SNCAIP: variants seen among roughly 807,000 people sequenced by gnomAD.
SNCAIP encodes synuclein alpha interacting protein.
A neutral mutation model predicts 86.7 loss-of-function variants in SNCAIP; 43 were observed. That is an observed-to-expected ratio of 0.50 (90% CI 0.39 to 0.64). The LOEUF (loss-of-function observed/expected upper bound fraction) is 0.64. Ranked by LOEUF, SNCAIP falls within the 30% of genes least tolerant of loss-of-function variation. The pLI is 0.00. For synonymous variants in SNCAIP, 417 were observed against 427.2 expected (o/e 0.98, Z 0.29); for missense variants, 981 against 1,103.1 (o/e 0.89, Z 1.57).
chr5:122,432,797 G>T (rs1778670070), intron 6 of SNCAIP, among the ~76,000 whole-genome samples: 1 of 152,076 alleles, frequency 6.6e-6, no homozygotes, highest in Non-Finnish European at 1.5e-5. Flanking sequence ...TGGAGAATGT[G>T]ACTGTGAGTT....
At chr5:122,454,953 G>A (rs1161554114) in intron 10 of SNCAIP, among the ~76,000 whole-genome samples, 3 of 152,156 alleles carry the variant, frequency 2.0e-5, no homozygotes, top group Non-Finnish European at 4.4e-5. Flanking sequence ...CTGATGCTAG[G>A]TTAACACTTT....
At chr5:122,427,399 G>A (rs1402506202) in intron 5 of SNCAIP, among the ~76,000 whole-genome samples, 2 of 148,406 alleles carry the variant, frequency 1.3e-5, no homozygotes, top group Non-Finnish European at 3.0e-5. Context: ...TCATTTTAAT[G>A]AAAAAGATTT....
intron 7 of SNCAIP, among the ~76,000 whole-genome samples, chr5:122,442,556 T>A (rs571735733): frequency 1.3e-5 from 2 of 152,306 alleles, no homozygotes; most frequent in South Asian, 4.1e-4. Context: ...AAATTTAAAT[T>A]CTTAACAGGT....
At chr5:122,402,101 A>C (rs2152869541) in intron 2 of SNCAIP, among the ~76,000 whole-genome samples, 1 of 152,256 alleles carries the variant, frequency 6.6e-6, no homozygotes, top group East Asian at 1.9e-4. Context: ...GAAAAAAAAA[A>C]AGAGTGAGAC....
At chr5:122,414,266 T>G (rs1232005670) in intron 3 of SNCAIP, among the ~76,000 whole-genome samples, 2 of 151,592 alleles carry the variant, frequency 1.3e-5, no homozygotes, top group Non-Finnish European at 2.9e-5. Context: ...AGTCTTGCTC[T>G]GTTGCCCAGG....
At chr5:122,332,457 T>A (rs1041427923) in intron 1 of SNCAIP, among the ~76,000 whole-genome samples, 1 of 152,240 alleles carries the variant, frequency 6.6e-6, no homozygotes, top group African/African-American at 2.4e-5. Flanking sequence ...CTGCCAAATC[T>A]GTAATGTTTG....
intron 10 of SNCAIP, among the ~76,000 whole-genome samples, chr5:122,457,281 G>A (rs1433385952): frequency 6.6e-6 from 1 of 152,184 alleles, no homozygotes; most frequent in East Asian, 1.9e-4. Flanking sequence ...GGGATTACAA[G>A]TGTGAGCCAC....
intron 1 of SNCAIP, among the ~76,000 whole-genome samples, chr5:122,369,027 C>T (rs1294767200): frequency 1.3e-5 from 2 of 152,250 alleles, no homozygotes; most frequent in East Asian, 1.9e-4. Context: ...AGTGAAGGAT[C>T]GTCTTTGGTC....
chr5:122,463,852 T>C lies in SNCAIP; in HGVS notation c.*356T>C, dbSNP rs1787059268. 3.9e-6 allele frequency: 1 copy of C among 256,806 alleles called. No homozygotes were observed. The highest frequency in any genetic ancestry group is 7.4e-6 in the Non-Finnish European group (1 of 135,104). The allele number at this position is 256,806 out of a possible 1,614,324, so 15.9% of individuals were successfully genotyped here. A position where few individuals can be genotyped will look rare whatever the true frequency, so the allele number is the denominator to read the frequency against. On this transcript the variant is annotated 3_prime_UTR_variant, in exon 11 of 11. Transcript: ENST00000261368. ...TTGATTCACCCTACCCACAGGACAT[T>C]CACCAAGCCACTGATACCATTTTAT... is the stretch of plus-strand genomic sequence containing the variant.
chr5:122,411,136 G>A (rs1010281083), intron 3 of SNCAIP, among the ~76,000 whole-genome samples: 1 of 152,192 alleles, frequency 6.6e-6, no homozygotes, highest in Non-Finnish European at 1.5e-5. Context: ...GAAACCGCCT[G>A]TTGGTAGAAA....
chr5:122,383,166 C>G (rs1767298974), intron 1 of SNCAIP, among the ~76,000 whole-genome samples: 2 of 152,156 alleles, frequency 1.3e-5, no homozygotes, highest in African/African-American at 4.8e-5. Context: ...AGTTTGATCT[C>G]AGACTGCTGT....
chr5:122,385,359 T>C (rs968423192), intron 1 of SNCAIP, among the ~76,000 whole-genome samples: 1 of 152,234 alleles, frequency 6.6e-6, no homozygotes, highest in Non-Finnish European at 1.5e-5. Context: ...TTCAGTTGCC[T>C]CTTTCTAGTA....
At chr5:122,324,714 G>GT (rs1461581989) in intron 1 of SNCAIP, among the ~76,000 whole-genome samples, 8 of 152,224 alleles carry the variant, frequency 5.3e-5, no homozygotes, top group African/African-American at 1.7e-4. Context: ...GTGATGGAAG[G>GT]TTTCACTGCT....
chr5:122,451,625 C>A, intron 10 of SNCAIP, 24 bp downstream of exon 10: 5 of 1,446,600 alleles, frequency 3.5e-6, no homozygotes, highest in African/African-American at 1.4e-5. Context: ...GGAGAATATT[C>A]TTTTTTTTCC....
chr5:122,459,544 A>G (rs956855202), intron 10 of SNCAIP, among the ~76,000 whole-genome samples: 1 of 152,168 alleles, frequency 6.6e-6, no homozygotes. Context: ...TGAAGGGTTC[A>G]GGGAGGATTG....
At chr5:122,322,496 A>G (rs1169592350) in intron 1 of SNCAIP, among the ~76,000 whole-genome samples, 1 of 152,204 alleles carries the variant, frequency 6.6e-6, no homozygotes, top group East Asian at 1.9e-4. Flanking sequence ...AGTACATTGG[A>G]CTGGAAAGTT....
chr5:122,338,441 T>C (rs1756932418), intron 1 of SNCAIP, among the ~76,000 whole-genome samples: 1 of 152,214 alleles, frequency 6.6e-6, no homozygotes, highest in South Asian at 2.1e-4. Context: ...GGTCCCTAAA[T>C]TGGATTATCA....
chr5:122,312,203 T>C (rs527918318), upstream of SNCAIP: 54 of 151,466 alleles, frequency 3.6e-4, no homozygotes, highest in African/African-American at 1.3e-3. Flanking sequence ...GCTGAGGCTG[T>C]TCTGCTCCTG....
intron 1 of SNCAIP, among the ~76,000 whole-genome samples, chr5:122,386,550 T>C (rs536158090): frequency 1.3e-5 from 2 of 152,348 alleles, no homozygotes; most frequent in East Asian, 3.9e-4. Context: ...CTGTTTGTTT[T>C]GTTCTGAAAG....
Sources: gnomAD v4.1 joint callset for allele counts (sites outside exome capture counted in the v4.1 genomes callset) on GRCh38, gnomAD v4.1.1 for gene constraint, MANE v1.5 for transcripts, NCBI Gene and HGNC (gene_info 2026-07-23, HGNC 2026-07-21) for gene names.